BMPER: variants seen among roughly 807,000 people sequenced by gnomAD.
The protein encoded by BMPER is BMP binding endothelial regulator.
A neutral mutation model predicts 87.3 loss-of-function variants in BMPER; 45 were observed. That is an observed-to-expected ratio of 0.52 (90% CI 0.41 to 0.66). The LOEUF is 0.66. Ranked by LOEUF, BMPER falls within the 30% of genes least tolerant of loss-of-function variation. The pLI is 0.00. For synonymous variants in BMPER, 326 were observed against 316.2 expected (o/e 1.03, Z -0.33); for missense variants, 784 against 867.5 (o/e 0.90, Z 1.21).
rs889758075 is a variant in BMPER at position 34,154,203 on chromosome 7, A to G, written c.*930A>G. 2 of 152,624 alleles carry G rather than the reference A, an allele frequency of 1.3e-5. No individual in the cohort carries two copies. Among genetic ancestry groups the G allele is most frequent in the Non-Finnish European group, 2.9e-5 (2 of 68,052 alleles). 9.5% of individuals were successfully genotyped at this position (152,624 alleles called of 1,614,324 possible). ...GTGGCTATTTCATGTATAAAATGAA[A>G]GGCTTTAGTTATTTCTAGAGGAGTC... On this transcript the variant is annotated 3_prime_UTR_variant, in exon 15 of 15. Transcript: ENST00000649409.
At chr7:34,063,339 T>A (rs1788491203) in intron 11 of BMPER, among the ~76,000 whole-genome samples, 1 of 152,070 alleles carries the variant, frequency 6.6e-6, no homozygotes, top group South Asian at 2.1e-4. Context: ...TTTTTTTAAT[T>A]GATTAGTGCC....
intron 13 of BMPER, among the ~76,000 whole-genome samples, chr7:34,127,840 A>T (rs1393584312): frequency 1.3e-5 from 2 of 152,168 alleles, no homozygotes; most frequent in African/African-American, 2.4e-5. Flanking sequence ...CCCTCTTGGA[A>T]AACCTTAGTT....
chr7:34,004,886 T>C (rs1786684579), intron 6 of BMPER, among the ~76,000 whole-genome samples: 1 of 152,118 alleles, frequency 6.6e-6, no homozygotes, highest in Admixed American at 6.5e-5. Context: ...TAGGTGTTTC[T>C]TGGGCATGCG....
intron 2 of BMPER, among the ~76,000 whole-genome samples, chr7:33,923,687 C>T (rs943678091): frequency 6.6e-6 from 1 of 152,166 alleles, no homozygotes; most frequent in East Asian, 1.9e-4. Flanking sequence ...ATGTAATGAC[C>T]GCAGCCAGGG....
chr7:34,046,654 G>A (rs1389790484), intron 7 of BMPER, among the ~76,000 whole-genome samples: 3 of 152,162 alleles, frequency 2.0e-5, no homozygotes, highest in African/African-American at 4.8e-5. Flanking sequence ...ATGACCTGGG[G>A]TAATTCTCCC....
Position 34,156,290 on chromosome 7 carries a change from C to T in BMPER, c.*3017C>T, listed in dbSNP as rs957238332. ...TCCTTTTTATGAGATATTTCAGACACACAAAAAGGCATAGAGAAAAATGTT... is the reference window on the plus strand; with the variant it reads ...TCCTTTTTATGAGATATTTCAGACATACAAAAAGGCATAGAGAAAAATGTT... On this transcript the variant is annotated 3_prime_UTR_variant, in exon 15 of 15. Coordinates refer to ENST00000649409, the MANE Select transcript of BMPER (RefSeq NM_001365308.1). Among the ~76,000 whole-genome samples the T allele has an allele frequency of 6.6e-6, 1 of 152,172 alleles. No homozygotes were observed. The highest frequency in any genetic ancestry group is 1.5e-5 in the Non-Finnish European group (1 of 68,030).
At position 33,951,117 on chromosome 7, in the gene BMPER, G is replaced by A. The variant is rs146968887; in HGVS notation, c.319+13729G>A. Among the ~76,000 whole-genome samples, 20 of 151,284 alleles carry A rather than the reference G, an allele frequency of 1.3e-4. 1 individual carries two copies. Among genetic ancestry groups the A allele is most frequent in the South Asian group, 6.3e-4 (3 of 4,768 alleles). On this transcript the variant is annotated intron_variant, in intron 3 of 14. Transcript: ENST00000649409. ...GGCTGGAGTGCAATGGCAGGATCTC[G>A]GCTCACTGCAACCTCTGCCTCCCAG... is the stretch of plus-strand genomic sequence containing the variant.
In BMPER at chr7:34,065,199, ACTCACTCTCTCT is replaced by A. The variant is rs1261572754; in HGVS notation, c.1078+3156_1078+3167del. 1.2e-3 allele frequency among the ~76,000 whole-genome samples: 109 copies of A among 94,158 alleles called. 2 individuals are homozygous for A. The highest frequency in any genetic ancestry group is 2.5e-3 in the African/African-American group (65 of 25,504). 61.8% of individuals were successfully genotyped at this position (94,158 alleles called of 152,430 possible). Reference sequence around the variant, plus strand: ...CTCTCGGACACACACACACATACACACTCACTCTCTCTCTCTCTCTCTCTCTCTCTCTCTCTC... The same window carrying A: ...CTCTCGGACACACACACACATACACACTCTCTCTCTCTCTCTCTCTCTCTC... On this transcript the variant is annotated intron_variant, in intron 11 of 14. Transcript: ENST00000649409.
At chr7:33,916,093 AT>A (rs1742105203) in intron 2 of BMPER, among the ~76,000 whole-genome samples, 1 of 152,190 alleles carries the variant, frequency 6.6e-6, no homozygotes, top group African/African-American at 2.4e-5. Flanking sequence ...AATGGACTGT[AT>A]TTATGGCAAT....
At chr7:33,934,945 G>A (rs1784566971) in intron 2 of BMPER, among the ~76,000 whole-genome samples, 1 of 152,094 alleles carries the variant, frequency 6.6e-6, no homozygotes, top group African/African-American at 2.4e-5. Context: ...AATTTAGCTT[G>A]CAAGAACTAC....
chr7:33,959,222 C>CGAA (rs1390178435), intron 3 of BMPER, among the ~76,000 whole-genome samples: 2 of 152,172 alleles, frequency 1.3e-5, no homozygotes, highest in African/African-American at 4.8e-5. Flanking sequence ...TGTGAAAACT[C>CGAA]TAAGTTCAAT....
chr7:33,957,382 A>G (rs1785172509), intron 3 of BMPER, among the ~76,000 whole-genome samples: 1 of 150,756 alleles, frequency 6.6e-6, no homozygotes, highest in Non-Finnish European at 1.5e-5. Context: ...TGATCCCTTT[A>G]ATATTCTGGA....
rs1785131193 is a variant in BMPER at position 33,955,654 on chromosome 7, G to A, written c.320-10825G>A. On this transcript the variant is annotated intron_variant, in intron 3 of 14. Transcript: ENST00000649409. The stretch of plus-strand genomic sequence containing the variant: ...GATAAAGCCTGATATTTCCATATAA[G>A]TAATTTTTAAAATGGTCTAAAAAGC... Among the ~76,000 whole-genome samples the A allele has an allele frequency of 2.0e-5, 3 of 152,204 alleles. No individual in the cohort carries two copies. The South Asian group carries it at 6.2e-4, about 31-fold the overall frequency.
At chr7:33,973,675 T>C (rs1018038251) in intron 5 of BMPER, among the ~76,000 whole-genome samples, 18 of 152,226 alleles carry the variant, frequency 1.2e-4, no homozygotes, top group Admixed American at 9.8e-4. Context: ...CTCAGGGGCA[T>C]GGAGCAGTCT....
chr7:34,094,073 ACAGT>A (rs1473823251), intron 13 of BMPER, among the ~76,000 whole-genome samples: 1 of 152,168 alleles, frequency 6.6e-6, no homozygotes, highest in African/African-American at 2.4e-5. Context: ...CCATCAGAGA[ACAGT>A]CAGAGTGTAC....
intron 13 of BMPER, among the ~76,000 whole-genome samples, chr7:34,099,333 C>T (rs1042704577): frequency 6.6e-6 from 1 of 152,178 alleles, no homozygotes; most frequent in Admixed American, 6.5e-5. Context: ...CATCCTCACC[C>T]CCAAATTTTC....
chr7:33,999,065 T>A (rs1164090881), intron 6 of BMPER, among the ~76,000 whole-genome samples: 1 of 152,240 alleles, frequency 6.6e-6, no homozygotes, highest in Non-Finnish European at 1.5e-5. Context: ...ATAAAGAGAT[T>A]TCATGCGAAG....
intron 14 of BMPER, among the ~76,000 whole-genome samples, chr7:34,148,704 T>C (rs969038908): frequency 5.3e-5 from 8 of 152,134 alleles, no homozygotes; most frequent in African/African-American, 1.9e-4. Flanking sequence ...AAAGGTAAGA[T>C]GCCTTAGAAG....
chr7:34,038,779 C>G (rs553480336), intron 6 of BMPER, among the ~76,000 whole-genome samples: 1 of 152,122 alleles, frequency 6.6e-6, no homozygotes, highest in East Asian at 1.9e-4. Flanking sequence ...GTGTCTTCAT[C>G]GAGCTTTGCT....
Sources: gnomAD v4.1 joint callset for allele counts (sites outside exome capture counted in the v4.1 genomes callset) on GRCh38, gnomAD v4.1.1 for gene constraint, MANE v1.5 for transcripts, NCBI Gene and HGNC (gene_info 2026-07-23, HGNC 2026-07-21) for gene names.